SOX5: variants seen among roughly 807,000 people sequenced by gnomAD.
SOX5 encodes the protein transcription factor SOX-5.
A neutral mutation model predicts 92.0 loss-of-function variants in SOX5; 9 were observed. The observed-to-expected ratio is 0.10, with a 90% CI of 0.06 to 0.17. SOX5 has a LOEUF of 0.17. Among genes scored for constraint, SOX5 ranks in the 10% least tolerant of loss-of-function variants. The pLI, the probability that SOX5 is intolerant of heterozygous loss-of-function variation, is 1.00. For missense variants in SOX5, 642 were observed against 944.5 expected (o/e 0.68, Z 4.20); for synonymous variants, 344 against 336.3 (o/e 1.02, Z -0.25).
chr12:23,817,044 G>A (rs1372979288), intron 3 of SOX5, among the ~76,000 whole-genome samples: 1 of 152,092 alleles, frequency 6.6e-6, no homozygotes, highest in Admixed American at 6.6e-5. Context: ...TTACTATTTT[G>A]TCCCATATTT....
In SOX5 at chr12:24,428,726, C is replaced by CAAAAAAA. The variant is rs57964050; in HGVS notation, c.-250-60094_-250-60088dup. 2.9e-3 allele frequency among the ~76,000 whole-genome samples: 96 copies of CAAAAAAA among 32,598 alleles called. 20 individuals carry two copies. The highest frequency in any genetic ancestry group is 5.2e-3 in the Admixed American group (9 of 1,716). 21.4% of individuals were successfully genotyped at this position (32,598 alleles called of 152,430 possible). A position where few individuals can be genotyped will look rare whatever the true frequency, so the allele number is the denominator to read the frequency against. On this transcript the variant is annotated intron_variant, in intron 1 of 4. Coordinates refer to the SOX5 transcript ENST00000446891. ...GGCAACAGAGTGAGACTCTGTTTCTCAAAAAAAAAAAAAAAAAAAAAAAAA... is the reference window on the plus strand; with the variant it reads ...GGCAACAGAGTGAGACTCTGTTTCTCAAAAAAAAAAAAAAAAAAAAAAAAAAAAAAAA...
intron 3 of SOX5, among the ~76,000 whole-genome samples, chr12:23,775,379 G>A (rs1025901107): frequency 2.0e-5 from 3 of 152,116 alleles, no homozygotes; most frequent in Admixed American, 2.0e-4. Context: ...CATATACCTA[G>A]CGAGGAAATA....
chr12:23,575,867 G>A (rs148877585), intron 9 of SOX5, 29 bp from the exon 10 acceptor site: 6 of 1,497,734 alleles, frequency 4.0e-6, no homozygotes, highest in East Asian at 2.4e-5. Flanking sequence ...CATGAGCTGT[G>A]ATAAGGAAAG....
At chr12:24,368,747 A>G (rs1956415596) in intron 1 of SOX5, 2 of 152,240 alleles carry the variant, frequency 1.3e-5, no homozygotes, top group Admixed American at 6.5e-5. Flanking sequence ...CCATCCATAT[A>G]TCAACCTTCT....
chr12:24,053,946 C>T (rs1269704894), intron 4 of SOX5, among the ~76,000 whole-genome samples: 2 of 152,120 alleles, frequency 1.3e-5, no homozygotes, highest in African/African-American at 4.8e-5. Flanking sequence ...TGCGCAAAGC[C>T]TTAGAGCAGT....
intron 4 of SOX5, among the ~76,000 whole-genome samples, chr12:23,985,058 T>C (rs564393160): frequency 6.6e-6 from 1 of 152,264 alleles, no homozygotes. Context: ...GAAATTGCTT[T>C]AAAATAGTTT....
At chr12:24,359,680 C>T (rs1489012335) in intron 2 of SOX5, among the ~76,000 whole-genome samples, 2 of 152,160 alleles carry the variant, frequency 1.3e-5, no homozygotes, top group Admixed American at 1.3e-4. Context: ...TGCATGCTCT[C>T]GTGCTCTTTT....
At chr12:23,939,408 G>A (rs1322009486) in intron 1 of SOX5, among the ~76,000 whole-genome samples, 2 of 150,506 alleles carry the variant, frequency 1.3e-5, no homozygotes, top group Admixed American at 6.6e-5. Context: ...TATAGAAGGA[G>A]AACAAGAGAA....
chr12:23,543,880 C>T (rs1942615989), intron 12 of SOX5, among the ~76,000 whole-genome samples: 2 of 152,224 alleles, frequency 1.3e-5, no homozygotes, highest in Admixed American at 1.3e-4. Flanking sequence ...AATAAAAACA[C>T]TGACCAAATT....
chr12:23,675,888 G>T (rs914514326), intron 6 of SOX5, among the ~76,000 whole-genome samples: 3 of 152,086 alleles, frequency 2.0e-5, no homozygotes, highest in Non-Finnish European at 2.9e-5. Context: ...TGGCCAATAG[G>T]TATGGTAATA....
chr12:23,913,195 T>C (rs2097370620), intron 1 of SOX5, among the ~76,000 whole-genome samples: 1 of 152,112 alleles, frequency 6.6e-6, no homozygotes, highest in East Asian at 1.9e-4. Flanking sequence ...AAATATAAAA[T>C]TTTTTTATGA....
intron 4 of SOX5, among the ~76,000 whole-genome samples, chr12:23,970,842 T>TATATATATATATATATA (rs1234524602): frequency 1.7e-4 from 1 of 5,950 alleles, no homozygotes; most frequent in African/African-American, 2.1e-4. Flanking sequence ...ATATATATAA[T>TATATATATATATATATA]TTTTTTTTTT....
chr12:23,942,507 G>T (rs900054965), intron 1 of SOX5, among the ~76,000 whole-genome samples: 1 of 151,720 alleles, frequency 6.6e-6, no homozygotes, highest in African/African-American at 2.4e-5. Context: ...TTAACAACAG[G>T]CAACACAGGT....
intron 6 of SOX5, among the ~76,000 whole-genome samples, chr12:23,701,799 G>C (rs1387387419): frequency 6.6e-6 from 1 of 152,044 alleles, no homozygotes; most frequent in Non-Finnish European, 1.5e-5. Flanking sequence ...CACGGATCAA[G>C]GGGAGCTCCT....
chr12:24,402,023 T>C (rs1319621745), intron 1 of SOX5, among the ~76,000 whole-genome samples: 10 of 152,164 alleles, frequency 6.6e-5, no homozygotes, highest in Admixed American at 6.5e-4. Context: ...CTACATTAAC[T>C]ACCCCCTGAA....
At chr12:24,477,423 T>G (rs1945518003) in intron 1 of SOX5, among the ~76,000 whole-genome samples, 1 of 152,262 alleles carries the variant, frequency 6.6e-6, no homozygotes, top group South Asian at 2.1e-4. Flanking sequence ...TGTAAGCCAC[T>G]GCGCCTGGCT....
chr12:24,185,580 G>C (rs1955932742), intron 4 of SOX5, among the ~76,000 whole-genome samples: 1 of 152,068 alleles, frequency 6.6e-6, no homozygotes. Context: ...TTGACAATGA[G>C]GGCAGGTGAG....
At chr12:24,102,963 G>T (rs1049605746) in intron 4 of SOX5, among the ~76,000 whole-genome samples, 10 of 152,168 alleles carry the variant, frequency 6.6e-5, no homozygotes, top group African/African-American at 2.2e-4. Flanking sequence ...CAATGACAAG[G>T]TTGCCTTAGC....
At chr12:24,469,032 T>G (rs967443647) in intron 1 of SOX5, among the ~76,000 whole-genome samples, 5 of 152,186 alleles carry the variant, frequency 3.3e-5, no homozygotes, top group Non-Finnish European at 5.9e-5. Context: ...TAATATATAA[T>G]GAAATAATTA....
Sources: allele counts gnomAD v4.1 joint callset (sites outside exome capture counted in the v4.1 genomes callset), GRCh38; gene constraint gnomAD v4.1.1; transcripts MANE v1.5; gene names NCBI Gene and HGNC (gene_info 2026-07-23, HGNC 2026-07-21).